RAPGEF5: variants seen among roughly 807,000 people sequenced by gnomAD.
RAPGEF5 encodes the protein Rap guanine nucleotide exchange factor 5, also known as M-Ras-regulated GEF.
Under a neutral mutation model 125.2 loss-of-function variants are expected in RAPGEF5, and 65 were observed. That is an observed-to-expected ratio of 0.52 (90% CI 0.43 to 0.64). The LOEUF (loss-of-function observed/expected upper bound fraction) is 0.64, where lower values mean the gene tolerates loss of function less well. RAPGEF5 is among the 30% of genes least tolerant of loss of function. The pLI, the probability that RAPGEF5 is intolerant of heterozygous loss-of-function variation, is 0.00. For missense variants in RAPGEF5, 958 were observed against 1,048.1 expected (o/e 0.91, Z 1.19); for synonymous variants, 391 against 385.9 (o/e 1.01, Z -0.16).
At position 22,354,482 on chromosome 7, in the gene RAPGEF5, C is replaced by A. The variant is rs570419945; in HGVS notation, c.231+2348G>T. The stretch of plus-strand genomic sequence containing the variant: ...ACAATCCCAGATGCTAACAAGTCAC[C>A]AACCAACCAGTCTGATACATATTCT... On this transcript the variant is annotated intron_variant, in intron 1 of 25. Coordinates refer to ENST00000665637, the MANE Select transcript of RAPGEF5 (RefSeq NM_012294.5). Among the ~76,000 whole-genome samples, 4 of 152,276 alleles carry A rather than the reference C, an allele frequency of 2.6e-5. No individual in the cohort carries two copies. In the South Asian group the frequency reaches 8.3e-4, roughly 32 times the overall value.
chr7:22,262,294 G>A (rs902275225), intron 7 of RAPGEF5, among the ~76,000 whole-genome samples: 6 of 152,020 alleles, frequency 3.9e-5, no homozygotes, highest in Non-Finnish European at 7.4e-5. Flanking sequence ...CATCCAGATG[G>A]CAAATAAGCA....
At chr7:22,354,807 C>G (rs1331367548) in intron 1 of RAPGEF5, among the ~76,000 whole-genome samples, 2 of 152,180 alleles carry the variant, frequency 1.3e-5, no homozygotes, top group Non-Finnish European at 2.9e-5. Context: ...GAAACCTAAT[C>G]AGCCTACACA....
chr7:22,213,470 T>C, intron 9 of RAPGEF5, among the ~76,000 whole-genome samples: 1 of 152,226 alleles, frequency 6.6e-6, no homozygotes, highest in Non-Finnish European at 1.5e-5. Context: ...GTTTTCCATG[T>C]ATAAATTCTT....
chr7:22,260,039 G>A (rs1005077095), intron 7 of RAPGEF5, among the ~76,000 whole-genome samples: 3 of 151,768 alleles, frequency 2.0e-5, no homozygotes, highest in Admixed American at 6.6e-5. Context: ...AGTGGAGATC[G>A]TGCCACTGCA....
At chr7:22,316,484 TA>T (rs1459743141) in intron 2 of RAPGEF5, among the ~76,000 whole-genome samples, 2,260 of 36,756 alleles carry the variant, frequency 0.061, 34 homozygotes, top group South Asian at 0.083. Context: ...TATATATATA[TA>T]TATATTTTTT....
intron 8 of RAPGEF5, 90 bp downstream of exon 8, chr7:22,230,756 A>G: frequency 8.2e-7 from 1 of 1,218,514 alleles, no homozygotes. Context: ...CATAAAAGGT[A>G]AAACCTATAT....
chr7:22,339,280 G>C (rs146913128), intron 1 of RAPGEF5, among the ~76,000 whole-genome samples: 2 of 152,082 alleles, frequency 1.3e-5, no homozygotes, highest in Admixed American at 6.6e-5. Context: ...AACTTGCTTC[G>C]GTCTCTCACT....
At chr7:22,216,795 C>T (rs150980686) in intron 9 of RAPGEF5, among the ~76,000 whole-genome samples, 7 of 152,200 alleles carry the variant, frequency 4.6e-5, no homozygotes, top group Admixed American at 6.5e-5. Flanking sequence ...GAGAAGCTTG[C>T]GATAATTATA....
chr7:22,203,372 C>T (rs1287411822), intron 9 of RAPGEF5, among the ~76,000 whole-genome samples: 2 of 152,246 alleles, frequency 1.3e-5, no homozygotes, highest in Non-Finnish European at 2.9e-5. Context: ...TCAGTTGTCT[C>T]TCTGACTGTT....
rs755226334 is a variant in RAPGEF5 at position 22,230,830 on chromosome 7, A to G, written c.870+16T>C. 1.3e-6 allele frequency: 2 copies of G among 1,559,458 alleles called. No homozygotes were observed. The highest frequency in any genetic ancestry group is 1.7e-6 in the Non-Finnish European group (2 of 1,148,772). ...CAGAAGGGTATGATGAGGGGCTGTC[A>G]CAGAATTGATCATACCTGAGAATCT... On this transcript the variant is annotated intron_variant, in intron 8 of 25. Coordinates refer to ENST00000665637, the MANE Select transcript of RAPGEF5 (RefSeq NM_012294.5).
chr7:22,139,727 G>A (rs992597578), intron 21 of RAPGEF5: 14 of 247,694 alleles, frequency 5.7e-5, no homozygotes, highest in African/African-American at 1.5e-4. Flanking sequence ...CACAGCAAAC[G>A]CACTTCTGAG....
chr7:22,242,966 G>A (rs796826083), intron 7 of RAPGEF5, among the ~76,000 whole-genome samples: 6,929 of 134,496 alleles, frequency 0.052, 611 homozygotes, highest in African/African-American at 0.18. Flanking sequence ...AAAAAAAAAA[G>A]AAAGAAAGAA....
chr7:22,356,618 G>T (rs1199866093), intron 1 of RAPGEF5: 34 of 205,788 alleles, frequency 1.7e-4, no homozygotes, highest in African/African-American at 6.6e-4. Context: ...CAGCCTGGTG[G>T]GGGGGAGGTG....
At chr7:22,174,179 A>T (rs1042691488) in intron 11 of RAPGEF5, among the ~76,000 whole-genome samples, 1 of 152,202 alleles carries the variant, frequency 6.6e-6, no homozygotes, top group African/African-American at 2.4e-5. Context: ...TTATAAAATA[A>T]AATTATTTCA....
chr7:22,316,480 TATATA>T (rs1379737696), intron 2 of RAPGEF5, among the ~76,000 whole-genome samples: 26 of 50,230 alleles, frequency 5.2e-4, no homozygotes, highest in East Asian at 1.5e-3. Context: ...TATATATATA[TATATA>T]TATATTTTTT....
At chr7:22,139,918 T>C (rs1327536601) in intron 21 of RAPGEF5, 107 bp downstream of exon 21, 2 of 969,544 alleles carry the variant, frequency 2.1e-6, no homozygotes, top group Non-Finnish European at 1.6e-6. Flanking sequence ...CACCTTGACA[T>C]ATGACTTTCA....
Position 22,157,892 on chromosome 7 carries a change from G to A in RAPGEF5, c.1527-7C>T, listed in dbSNP as rs752750137. On this transcript the variant is annotated splice_polypyrimidine_tract_variant and splice_region_variant and intron_variant, in intron 14 of 25. Coordinates refer to ENST00000665637, the MANE Select transcript of RAPGEF5 (RefSeq NM_012294.5). The stretch of plus-strand genomic sequence containing the variant: ...TGAATATTCATCTACAGTGCTGAAA[G>A]GAAAAATGGCAAGAAGTCAGTCTTT... 1.9e-6 allele frequency: 3 copies of A among 1,608,624 alleles called. No individual in the cohort carries two copies. The highest frequency in any genetic ancestry group is 2.6e-6 in the Non-Finnish European group (3 of 1,175,524).
chr7:22,347,562 G>GA (rs1481306898), intron 1 of RAPGEF5, among the ~76,000 whole-genome samples: 4 of 151,030 alleles, frequency 2.6e-5, no homozygotes, highest in Non-Finnish European at 4.4e-5. Context: ...GTGTCAAAAT[G>GA]AAAAAAAAGA....
At chr7:22,212,845 G>T (rs143205901) in intron 9 of RAPGEF5, among the ~76,000 whole-genome samples, 4 of 152,124 alleles carry the variant, frequency 2.6e-5, no homozygotes, top group Non-Finnish European at 5.9e-5. Flanking sequence ...TATACCACTG[G>T]GGGAGGAGGG....
Sources: gnomAD v4.1 joint callset for allele counts (sites outside exome capture counted in the v4.1 genomes callset) on GRCh38, gnomAD v4.1.1 for gene constraint, MANE v1.5 for transcripts, NCBI Gene and HGNC (gene_info 2026-07-23, HGNC 2026-07-21) for gene names.